Variants in NTM observed in about 807,000 individuals in gnomAD.
NTM encodes the protein neurotrimin, also known as IgLON family member 2.
NTM carries 13 observed loss-of-function variants against 42.1 expected under a neutral mutation model. The ratio of observed to expected loss-of-function variants is 0.31; its 90% CI spans 0.20 to 0.49. The LOEUF (loss-of-function observed/expected upper bound fraction) is 0.49, where lower values mean the gene tolerates loss of function less well. Ranked by LOEUF, NTM falls within the 20% of genes least tolerant of loss-of-function variation. The pLI is 0.99. For synonymous variants in NTM, 187 were observed against 179.2 expected (o/e 1.04, Z -0.35); for missense variants, 373 against 452.8 (o/e 0.82, Z 1.60).
At chr11:132,187,830 T>C (rs2078670467) in intron 3 of NTM, among the ~76,000 whole-genome samples, 1 of 152,184 alleles carries the variant, frequency 6.6e-6, no homozygotes, top group Non-Finnish European at 1.5e-5. Flanking sequence ...AGCAAGGCAA[T>C]GTAAATCTCT....
At chr11:131,842,560 T>G (rs773782717) in intron 1 of NTM, among the ~76,000 whole-genome samples, 8 of 152,156 alleles carry the variant, frequency 5.3e-5, no homozygotes, top group Non-Finnish European at 7.3e-5. Context: ...ATGAACATTA[T>G]CTACTAAGCA....
chr11:131,820,172 G>C (rs1592080858), intron 1 of NTM, among the ~76,000 whole-genome samples: 1 of 152,194 alleles, frequency 6.6e-6, no homozygotes, highest in African/African-American at 2.4e-5. Flanking sequence ...AGCCTGGTGA[G>C]ATTAACAAGG....
chr11:132,032,927 A>G (rs375549483), intron 2 of NTM, among the ~76,000 whole-genome samples: 3 of 152,206 alleles, frequency 2.0e-5, no homozygotes, highest in African/African-American at 7.2e-5. Flanking sequence ...AAGTACCTAG[A>G]TCAGTGTCTA....
chr11:131,908,006 T>C lies in NTM; in HGVS notation c.83-3558T>C, dbSNP rs185840148. 2.6e-5 allele frequency among the ~76,000 whole-genome samples: 4 copies of C among 152,348 alleles called. No homozygotes were observed. In the East Asian group the frequency reaches 5.8e-4, roughly 22 times the overall value. On this transcript the variant is annotated intron_variant, in intron 1 of 8. Coordinates refer to ENST00000683400, the MANE Select transcript of NTM (RefSeq NM_001352005.2). ...TCTGACCTTTCACCACTTTCTAAAC[T>C]TCTATGTTTGAATAAAGTTTGGATC...
At chr11:131,651,264 C>T (rs541666340) in intron 1 of NTM, among the ~76,000 whole-genome samples, 1 of 152,316 alleles carries the variant, frequency 6.6e-6, no homozygotes, top group East Asian at 1.9e-4. Context: ...ATTTGATTTT[C>T]ATTTAACACA....
chr11:131,421,926 G>A (rs547414255), intron 1 of NTM, among the ~76,000 whole-genome samples: 1 of 152,258 alleles, frequency 6.6e-6, no homozygotes, highest in Admixed American at 6.5e-5. Context: ...TAATTATTGG[G>A]GGATTTACAT....
Position 132,137,879 on chromosome 11 carries a change from T to C in NTM, c.168-8403T>C, listed in dbSNP as rs373520100. Among the ~76,000 whole-genome samples the C allele has an allele frequency of 5.9e-5, 9 of 152,288 alleles. No homozygotes were observed. The East Asian group carries it at 1.7e-3, about 29-fold the overall frequency. On this transcript the variant is annotated intron_variant, in intron 2 of 8. Transcript: ENST00000683400. The stretch of plus-strand genomic sequence containing the variant: ...TCCGTGCTGGTCGGCCTGCACTGGG[T>C]GGTGGACTTGCGGACACACAGAGAG...
chr11:131,418,690 C>A (rs1206915821), intron 1 of NTM, among the ~76,000 whole-genome samples: 1 of 152,190 alleles, frequency 6.6e-6, no homozygotes, highest in Non-Finnish European at 1.5e-5. Flanking sequence ...TACTTCTACC[C>A]TGGTAGGAGT....
At chr11:131,406,396 A>G (rs1945818926) in intron 1 of NTM, among the ~76,000 whole-genome samples, 1 of 152,248 alleles carries the variant, frequency 6.6e-6, no homozygotes, top group African/African-American at 2.4e-5. Context: ...TCTCTGAGGG[A>G]TTTTAAGAAT....
intron 1 of NTM, among the ~76,000 whole-genome samples, chr11:131,713,744 T>G (rs574451052): frequency 6.6e-6 from 1 of 152,198 alleles, no homozygotes; most frequent in African/African-American, 2.4e-5. Flanking sequence ...GCAACCTCAA[T>G]TTTTGCCTCC....
At chr11:131,372,209 C>A (rs10791140) in intron 1 of NTM, among the ~76,000 whole-genome samples, 24 of 151,864 alleles carry the variant, frequency 1.6e-4, no homozygotes, top group Non-Finnish European at 3.5e-4. Context: ...GACTGGGGCT[C>A]GATGAAGAAG....
chr11:131,371,039 C>G, intron 1 of NTM, 151 bp downstream of exon 1: 1 of 1,460,746 alleles, frequency 6.8e-7, no homozygotes, highest in Non-Finnish European at 9.0e-7. Flanking sequence ...TTCATTCTCC[C>G]GACTAGGCTG....
chr11:131,458,490 C>A (rs1307308353), intron 1 of NTM, among the ~76,000 whole-genome samples: 1 of 152,164 alleles, frequency 6.6e-6, no homozygotes, highest in Non-Finnish European at 1.5e-5. Context: ...TTCATCTGTT[C>A]TCATTTACCT....
intron 1 of NTM, among the ~76,000 whole-genome samples, chr11:131,751,194 G>A (rs1177448180): frequency 1.3e-5 from 2 of 152,098 alleles, no homozygotes; most frequent in Non-Finnish European, 2.9e-5. Context: ...CCAGCACTTT[G>A]GCAGGCCAAG....
chr11:131,854,711 C>T (rs1275842901), intron 1 of NTM, among the ~76,000 whole-genome samples: 2 of 152,122 alleles, frequency 1.3e-5, no homozygotes, highest in Non-Finnish European at 2.9e-5. Context: ...AATGGGAAGA[C>T]TTTGCAGGTT....
intron 2 of NTM, among the ~76,000 whole-genome samples, chr11:132,126,075 T>TGGGAGA (rs2065790608): frequency 6.6e-6 from 1 of 151,928 alleles, no homozygotes; most frequent in African/African-American, 2.4e-5. Flanking sequence ...GATGTGGGAG[T>TGGGAGA]GGGAGAGACT....
At chr11:132,134,704 G>GGTAT (rs1566259012) in intron 2 of NTM, among the ~76,000 whole-genome samples, 25 of 16,796 alleles carry the variant, frequency 1.5e-3, no homozygotes, top group African/African-American at 5.9e-3. Flanking sequence ...AGTATTCCAT[G>GGTAT]GTATATATAT....
At chr11:131,393,822 A>T (rs1944283037) in intron 1 of NTM, among the ~76,000 whole-genome samples, 1 of 152,178 alleles carries the variant, frequency 6.6e-6, no homozygotes, top group South Asian at 2.1e-4. Flanking sequence ...GGGATATTAA[A>T]TCCACCAGTG....
At chr11:132,220,507 A>T (rs2084928099) in intron 4 of NTM, among the ~76,000 whole-genome samples, 1 of 152,244 alleles carries the variant, frequency 6.6e-6, no homozygotes, top group Admixed American at 6.5e-5. Context: ...AAATAATAAA[A>T]AGACTAGTGG....
Sources: allele counts gnomAD v4.1 joint callset (sites outside exome capture counted in the v4.1 genomes callset), GRCh38; gene constraint gnomAD v4.1.1; transcripts MANE v1.5; gene names NCBI Gene and HGNC (gene_info 2026-07-23, HGNC 2026-07-21).